CTNND2: variants seen among roughly 807,000 people sequenced by gnomAD.
CTNND2 encodes catenin delta-2.
A neutral mutation model predicts 144.4 loss-of-function variants in CTNND2; 22 were observed. The ratio of observed to expected loss-of-function variants is 0.15; its 90% CI spans 0.11 to 0.22. The LOEUF (loss-of-function observed/expected upper bound fraction) is 0.22. Among genes scored for constraint, CTNND2 ranks in the 10% least tolerant of loss-of-function variants. The pLI, the probability that CTNND2 is intolerant of heterozygous loss-of-function variation, is 1.00. For synonymous variants in CTNND2, 751 were observed against 695.6 expected, an observed-to-expected ratio of 1.08 and a Z score of -1.25; for missense variants, 1,353 against 1,618.8, an observed-to-expected ratio of 0.84 and a Z score of 2.82.
intron 9 of CTNND2, among the ~76,000 whole-genome samples, chr5:11,281,880 T>C (rs931082805): frequency 1.3e-5 from 2 of 152,240 alleles, no homozygotes; most frequent in African/African-American, 2.4e-5. Context: ...TCTGAGGTAC[T>C]GGGGGTTAAG....
At chr5:11,290,452 T>G (rs1032246041) in intron 9 of CTNND2, among the ~76,000 whole-genome samples, 1 of 152,176 alleles carries the variant, frequency 6.6e-6, no homozygotes, top group South Asian at 2.1e-4. Context: ...AAAAAAGCCT[T>G]TGACCATTTC....
chr5:11,359,414 G>A (rs1756219505), intron 8 of CTNND2, among the ~76,000 whole-genome samples: 1 of 152,172 alleles, frequency 6.6e-6, no homozygotes, highest in Non-Finnish European at 1.5e-5. Flanking sequence ...CTTCCTCTCT[G>A]TTATACTACC....
chr5:11,536,341 G>A (rs1037507828), intron 3 of CTNND2, among the ~76,000 whole-genome samples: 1 of 152,158 alleles, frequency 6.6e-6, no homozygotes, highest in African/African-American at 2.4e-5. Flanking sequence ...TGGGATTACA[G>A]GTGTGAGCCA....
In CTNND2 at chr5:11,384,376, T is replaced by C. The variant is rs933781323; in HGVS notation, c.1177+289A>G. The stretch of plus-strand genomic sequence containing the variant: ...CTTTCCTAAATGTGTCTTACTTTTA[T>C]GAGTTAGTCTTTAGGCTGGGGAGAG... On this transcript the variant is annotated intron_variant, in intron 7 of 21. Coordinates refer to ENST00000304623, the MANE Select transcript of CTNND2 (RefSeq NM_001332.4). This position sits in a 1 kb window ranked among gnomAD's most constrained non-coding sequence, Gnocchi z 5.2. 1 of 424,258 alleles carries C rather than the reference T, an allele frequency of 2.4e-6. No homozygotes were observed. The allele number at this position is 424,258 out of a possible 1,614,324, so 26.3% of individuals were successfully genotyped here. A position where few individuals can be genotyped will look rare whatever the true frequency, so the allele number is the denominator to read the frequency against.
chr5:11,531,812 T>C (rs1468847697), intron 3 of CTNND2, among the ~76,000 whole-genome samples: 1 of 152,250 alleles, frequency 6.6e-6, no homozygotes, highest in Non-Finnish European at 1.5e-5. Flanking sequence ...ACAAGTGATA[T>C]GCTGCACATA....
rs377096242 is a variant in CTNND2, at chr5:11,090,897, T to C, written c.2637+7678A>G. ...AATCTGCGGTCTTCCTTATCTTGTA[T>C]GGAACATGTCTTTTCTTCCTCTGGA... On this transcript the variant is annotated intron_variant, in intron 15 of 21. Coordinates refer to ENST00000304623, the MANE Select transcript of CTNND2 (RefSeq NM_001332.4). 5.3e-5 allele frequency among the ~76,000 whole-genome samples: 8 copies of C among 152,284 alleles called. No homozygotes were observed. In the East Asian group the frequency reaches 1.2e-3, roughly 22 times the overall value.
chr5:11,359,622 C>T (rs1201780379), intron 8 of CTNND2, among the ~76,000 whole-genome samples: 1 of 152,170 alleles, frequency 6.6e-6, no homozygotes, highest in Non-Finnish European at 1.5e-5. Flanking sequence ...GTGGGCACTG[C>T]TGTACTTTCT....
chr5:11,192,289 CACA>C lies in CTNND2; in HGVS notation c.1975+7156_1975+7158del, dbSNP rs367909850. Among the ~76,000 whole-genome samples, 92 of 152,320 alleles carry C rather than the reference CACA, an allele frequency of 6.0e-4. 1 individual carries two copies. In the East Asian group the frequency reaches 0.013, roughly 21 times the overall value. On this transcript the variant is annotated intron_variant, in intron 11 of 21. Transcript: ENST00000304623. Reference sequence around the variant, plus strand: ...CACAGATGATGGACTCTCAAAGCCACACAACACCAGGCTGGCATCCCCCGACTA... The same window carrying C: ...CACAGATGATGGACTCTCAAAGCCACACACCAGGCTGGCATCCCCCGACTA...
intron 16 of CTNND2, among the ~76,000 whole-genome samples, chr5:11,069,593 T>A (rs757397582): frequency 6.6e-6 from 1 of 151,488 alleles, no homozygotes; most frequent in Non-Finnish European, 1.5e-5. Context: ...ATATAGGTAG[T>A]ACAATGATCC....
intron 10 of CTNND2, among the ~76,000 whole-genome samples, chr5:11,222,618 T>A (rs254125): frequency 1.3e-5 from 2 of 152,024 alleles, no homozygotes; most frequent in East Asian, 1.9e-4. Flanking sequence ...TCATCCTGGG[T>A]AACATAGGGA....
intron 9 of CTNND2, among the ~76,000 whole-genome samples, chr5:11,282,145 G>A (rs4702796): frequency 0.084 from 12,744 of 152,056 alleles, 925 homozygotes; most frequent in East Asian, 0.36. Context: ...GGTTGTCAAC[G>A]GGGCATTCAG....
chr5:11,232,046 C>T (rs976199579), intron 10 of CTNND2, among the ~76,000 whole-genome samples: 6 of 152,208 alleles, frequency 3.9e-5, no homozygotes, highest in Middle Eastern at 3.2e-3. Context: ...GTGTTGAGTC[C>T]GTGGGTGCAC....
At chr5:11,849,450 T>C (rs780274580) in intron 1 of CTNND2, among the ~76,000 whole-genome samples, 1 of 152,198 alleles carries the variant, frequency 6.6e-6, no homozygotes, top group Non-Finnish European at 1.5e-5. Flanking sequence ...TTTTTACTTA[T>C]GAGAGTCTGT....
In CTNND2 at chr5:11,558,341, CGTGTGTGT is replaced by C. The variant is rs59741742; in HGVS notation, c.287+6595_287+6602del. On this transcript the variant is annotated intron_variant, in intron 3 of 21. Transcript: ENST00000304623. ...GGTAATACTTTGGCTGTGAGAAACA[CGTGTGTGT>C]GTGTGTGTGTGTGTGTGTGTGTGTG... Among the ~76,000 whole-genome samples, 994 of 132,206 alleles carry C rather than the reference CGTGTGTGT, an allele frequency of 7.5e-3. 15 individuals carry two copies. The highest frequency in any genetic ancestry group is 0.025 in the African/African-American group (882 of 35,394). 86.7% of individuals were successfully genotyped at this position (132,206 alleles called of 152,430 possible). A position where few individuals can be genotyped will look rare whatever the true frequency, so the allele number is the denominator to read the frequency against.
intron 9 of CTNND2, among the ~76,000 whole-genome samples, chr5:11,237,254 C>T (rs1741754361): frequency 6.6e-6 from 1 of 152,172 alleles, no homozygotes; most frequent in East Asian, 1.9e-4. Context: ...CTCCTGACCT[C>T]GTGATCCGCC....
intron 11 of CTNND2, among the ~76,000 whole-genome samples, chr5:11,182,926 A>C (rs940136540): frequency 6.6e-6 from 1 of 152,230 alleles, no homozygotes; most frequent in Admixed American, 6.5e-5. Context: ...AATTTTAGTA[A>C]GATCCTGGTA....
chr5:11,188,551 TG>T (rs1334194932), intron 11 of CTNND2, among the ~76,000 whole-genome samples: 1 of 152,218 alleles, frequency 6.6e-6, no homozygotes, highest in Non-Finnish European at 1.5e-5. Flanking sequence ...CAAGCCACCA[TG>T]GCACACATTT....
chr5:10,981,604 C>CACACAT (rs1554016337), intron 21 of CTNND2, among the ~76,000 whole-genome samples, 169 bp downstream of exon 21: 3 of 151,582 alleles, frequency 2.0e-5, no homozygotes, highest in African/African-American at 7.3e-5. Context: ...CACACACACA[C>CACACAT]ACAGAGACAC....
chr5:11,110,784 T>C (rs1175944034), intron 14 of CTNND2, 74 bp downstream of exon 14: 1 of 1,370,796 alleles, frequency 7.3e-7, no homozygotes, highest in Non-Finnish European at 1.0e-6. Flanking sequence ...GCTCATTCTC[T>C]ATATATTGAG....
Sources: gnomAD v4.1 joint callset for allele counts (sites outside exome capture counted in the v4.1 genomes callset) on GRCh38, gnomAD v4.1.1 for gene constraint, Gnocchi (gnomAD v3.1) non-coding constraint, MANE v1.5 for transcripts, NCBI Gene and HGNC (gene_info 2026-07-23, HGNC 2026-07-21) for gene names.